MIDEAS: variants seen among roughly 807,000 people sequenced by gnomAD.
MIDEAS encodes mitotic deacetylase associated SANT domain protein, also known as mitotic deacetylase-associated SANT domain protein.
In MIDEAS, 26 loss-of-function variants were observed where a neutral mutation model predicts 102.7. The ratio of observed to expected loss-of-function variants is 0.25; its 90% confidence interval spans 0.19 to 0.35. MIDEAS has a LOEUF of 0.35. Among genes scored for constraint, MIDEAS ranks in the 10% least tolerant of loss-of-function variants. The pLI, the probability that MIDEAS is intolerant of heterozygous loss-of-function variation, is 1.00. For missense variants in MIDEAS, 1,231 were observed against 1,435.6 expected (o/e 0.86, Z 2.30); for synonymous variants, 585 against 591.0 (o/e 0.99, Z 0.15).
intron 11 of MIDEAS, among the ~76,000 whole-genome samples, chr14:73,720,779 G>A (rs2052979023): frequency 6.6e-6 from 1 of 152,150 alleles, no homozygotes; most frequent in Non-Finnish European, 1.5e-5. Context: ...GCAGAGTAGA[G>A]GTTAACTCTG....
At chr14:73,737,496 A>G (rs1050985789) in intron 2 of MIDEAS, among the ~76,000 whole-genome samples, 199 bp from the exon 3 acceptor site, 1 of 152,086 alleles carries the variant, frequency 6.6e-6, no homozygotes, top group Non-Finnish European at 1.5e-5. Flanking sequence ...CATGGTGGCA[A>G]ACTCCTGTGG....
At chr14:73,741,359 GTT>G (rs2053278962) in intron 1 of MIDEAS, among the ~76,000 whole-genome samples, 1 of 151,430 alleles carries the variant, frequency 6.6e-6, no homozygotes, top group Non-Finnish European at 1.5e-5. Context: ...TGATGTTTGG[GTT>G]TTGTTTTTTT....
chr14:73,740,837 C>T (rs751656493), intron 1 of MIDEAS, among the ~76,000 whole-genome samples: 3 of 152,258 alleles, frequency 2.0e-5, no homozygotes, highest in Non-Finnish European at 2.9e-5. Context: ...GACGTGGCCA[C>T]TCCTCCTGTG....
chr14:73,733,380 G>A (rs758271379), intron 3 of MIDEAS, among the ~76,000 whole-genome samples: 7 of 152,116 alleles, frequency 4.6e-5, no homozygotes, highest in Non-Finnish European at 1.0e-4. Flanking sequence ...CTGAGGTCAC[G>A]AATTCAAGAC....
intron 1 of MIDEAS, among the ~76,000 whole-genome samples, chr14:73,745,436 A>G (rs1379936079): frequency 6.6e-6 from 1 of 152,168 alleles, no homozygotes; most frequent in Non-Finnish European, 1.5e-5. Context: ...TCATGCCCTG[A>G]CATGGCTGGA....
In MIDEAS at chr14:73,718,946, T is replaced by G. The variant is rs2052939778; in HGVS notation, c.3197A>C (p.Lys1066Thr). The change falls in exon 13 of 13, where the codon AAG (lysine) becomes ACG (threonine). Residue 1066 changes from lysine (K) to threonine (T), a missense_variant. By Grantham distance (78) the Lys-to-Thr change is moderately conservative (BLOSUM62 -1). Coordinates refer to ENST00000423556, the MANE Select transcript of MIDEAS (RefSeq NM_001367710.1). ...HMKSHAEQEK[K>T]AAALRLKEKE... is the part of the protein sequence containing the mutation. The stretch of plus-strand genomic sequence containing the variant: ...CTCCTTCAGCCTCAGCGCTGCAGCC[T>G]TCTTCTCCTGCTCTGCGTGGCTCTT... 5.9e-6 allele frequency: 9 copies of G among 1,524,460 alleles called. No homozygotes were observed. Among genetic ancestry groups the G allele is most frequent in the Non-Finnish European group, 7.9e-6 (9 of 1,142,866 alleles). The allele number at this position is 1,524,460 out of a possible 1,614,324, so 94.4% of individuals were successfully genotyped here. A position where few individuals can be genotyped will look rare whatever the true frequency, so the allele number is the denominator to read the frequency against.
chr14:73,755,925 C>T (rs1445925921), intron 1 of MIDEAS, among the ~76,000 whole-genome samples: 1 of 152,210 alleles, frequency 6.6e-6, no homozygotes, highest in African/African-American at 2.4e-5. Flanking sequence ...ATTCACTCTG[C>T]ATGCATAATC....
rs374583347 is a variant in MIDEAS at position 73,738,747 on chromosome 14, C to T, written c.1262G>A (p.Arg421Gln). 37 of 1,610,888 alleles carry T rather than the reference C, an allele frequency of 2.3e-5. No homozygotes were observed. The highest frequency in any genetic ancestry group is 1.7e-4 in the Middle Eastern group (1 of 6,042). ...GCCCATGGCAGGAGCCTCTCGCTCC[C>T]GGCCATTGGGTGCTAGTCTCTCCCC... ...PDGERLAPNGREREAPAMGSE... is the reference protein window; with the variant it reads ...PDGERLAPNGQEREAPAMGSE... The change falls in exon 2 of 13, where the codon CGG becomes CAG. Residue 421 changes from arginine (R) to glutamine (Q), a missense_variant. Physicochemically the swap from Arg to Gln is conservative, Grantham distance 43 (BLOSUM62 1). Around this residue, in one of 5 missense-constraint regions of MIDEAS, gnomAD observed 758 missense variants for 856.0 expected, o/e 0.89. Transcript: ENST00000423556.
In MIDEAS at chr14:73,722,033, G is replaced by C. The variant is rs2053002818; in HGVS notation, c.2725-524C>G. On this transcript the variant is annotated intron_variant, in intron 10 of 12. Transcript: ENST00000423556. ...TCCCTTTTAATTCTCTTTCAATCCT[G>C]ATTATGCCAAGGACTCAGTCTCTGG... 1.3e-5 allele frequency among the ~76,000 whole-genome samples: 2 copies of C among 152,160 alleles called. 1 individual carries two copies. The highest frequency in any genetic ancestry group is 4.1e-4 in the South Asian group (2 of 4,828).
At position 73,740,265 on chromosome 14, in the gene MIDEAS, G is replaced by A; in HGVS notation, c.-247-10C>T. On this transcript the variant is annotated splice_polypyrimidine_tract_variant and intron_variant, in intron 1 of 12. Transcript: ENST00000423556. ...CACAGGGTTCTGGCACCTGCAGAGG[G>A]AAGAGCAGTGACAGTGTCAGCCACA... The A allele has an allele frequency of 2.4e-6, 1 of 412,408 alleles. No individual in the cohort carries two copies. The highest frequency in any genetic ancestry group is 4.2e-6 in the Non-Finnish European group (1 of 237,824). 25.5% of individuals were successfully genotyped at this position (412,408 alleles called of 1,614,324 possible).
intron 1 of MIDEAS, among the ~76,000 whole-genome samples, chr14:73,784,730 G>A (rs2053790617): frequency 2.0e-5 from 3 of 152,188 alleles, no homozygotes; most frequent in Admixed American, 6.5e-5. Flanking sequence ...CTCTAGAAAA[G>A]AGGGTTGTGC....
chr14:73,744,906 A>G (rs1474380396), intron 1 of MIDEAS, among the ~76,000 whole-genome samples: 4 of 152,172 alleles, frequency 2.6e-5, no homozygotes, highest in Middle Eastern at 3.4e-3. Context: ...AGCCCCTATA[A>G]CACACTGTAT....
chr14:73,727,406 T>C, intron 5 of MIDEAS, 52 bp downstream of exon 5: 3 of 1,593,508 alleles, frequency 1.9e-6, no homozygotes, highest in Non-Finnish European at 2.6e-6. Flanking sequence ...CTGCACACAC[T>C]GCACCAGTGT....
chr14:73,728,979 C>T (rs2053101066), intron 4 of MIDEAS: 1 of 152,308 alleles, frequency 6.6e-6, no homozygotes, highest in Admixed American at 6.5e-5. Context: ...CCAAAGGCAT[C>T]TATAAGCTAG....
chr14:73,756,211 G>C (rs1252994218), intron 1 of MIDEAS, among the ~76,000 whole-genome samples: 1 of 151,942 alleles, frequency 6.6e-6, no homozygotes, highest in African/African-American at 2.4e-5. Flanking sequence ...TCCAGAATCT[G>C]AACTGATGCT....
chr14:73,753,976 C>T (rs192039141), intron 1 of MIDEAS, among the ~76,000 whole-genome samples: 151 of 152,240 alleles, frequency 9.9e-4, no homozygotes, highest in African/African-American at 3.5e-3. Context: ...GGGGAAGGTG[C>T]GATGGCCAGA....
intron 9 of MIDEAS, 89 bp from the exon 10 acceptor site, chr14:73,722,936 C>T: frequency 6.7e-7 from 1 of 1,489,326 alleles, no homozygotes; most frequent in Non-Finnish European, 9.1e-7. Context: ...CTGCATCTTT[C>T]CCTTAACTTC....
chr14:73,738,805 G>C lies in MIDEAS; in HGVS notation c.1204C>G (p.Leu402Val), dbSNP rs368078040. The stretch of plus-strand genomic sequence containing the variant: ...AGTAGCTGCGACTCCCTCAGCTCCA[G>C]CGGGAATCCCAGAGCTTCAGGATGG... The part of the protein sequence containing the change: ...QPHPEALGFP[L>V]ELRESQLLPD... The change falls in exon 2 of 13, where the codon CTG (leucine) becomes GTG (valine). Residue 402 changes from leucine to valine, a missense_variant. This residue lies in a region of MIDEAS where 758 missense variants were observed against 856.0 expected (regional missense o/e 0.89). Transcript: ENST00000423556. The C allele has an allele frequency of 1.0e-4, 164 of 1,575,946 alleles. No homozygotes were observed. Among genetic ancestry groups the C allele is most frequent in the South Asian group, 9.9e-4 (85 of 86,074 alleles).
At chr14:73,750,545 C>A (rs537731819) in intron 1 of MIDEAS, among the ~76,000 whole-genome samples, 2 of 152,334 alleles carry the variant, frequency 1.3e-5, no homozygotes, top group African/African-American at 4.8e-5. Context: ...TGGGGGACTG[C>A]AGAGGTGAGC....
Sources: allele counts gnomAD v4.1 joint callset (sites outside exome capture counted in the v4.1 genomes callset), GRCh38; gene constraint gnomAD v4.1.1; regional missense constraint gnomAD v4.1.1; transcripts MANE v1.5; gene names NCBI Gene and HGNC (gene_info 2026-07-23, HGNC 2026-07-21).